COL7A1: variants seen among roughly 807,000 people sequenced by gnomAD.
COL7A1 encodes collagen alpha-1(VII) chain.
A neutral mutation model predicts 456.2 loss-of-function variants in COL7A1; 296 were observed. The observed-to-expected ratio is 0.65, with a 90% confidence interval of 0.59 to 0.71. The LOEUF (loss-of-function observed/expected upper bound fraction) is 0.71, where lower values mean the gene tolerates loss of function less well. Among genes scored for constraint, COL7A1 ranks in the 30% least tolerant of loss-of-function variants. The pLI is 0.00. For missense variants in COL7A1, 3,441 were observed against 4,017.2 expected, an observed-to-expected ratio of 0.86 and a Z score of 3.88; for synonymous variants, 1,464 against 1,525.9, an observed-to-expected ratio of 0.96 and a Z score of 0.95.
rs989483733 is a variant in COL7A1, at chr3:48,587,131, C to G, written c.3140-23G>C. On this transcript the variant is annotated intron_variant, in intron 24 of 118. Coordinates refer to ENST00000681320, the MANE Select transcript of COL7A1 (RefSeq NM_000094.4). This position sits in a 1 kb window ranked among gnomAD's most constrained non-coding sequence, Gnocchi z 6.1. ...ACACTGTAGGAAGGGGAACAAGTTA[C>G]TGAAGCGGGCAGCCCACCCAGACAC... 3 of 1,613,262 alleles carry G rather than the reference C, an allele frequency of 1.9e-6. No individual in the cohort carries two copies. The African/African-American group carries it at 4.0e-5, about 22-fold the overall frequency.
In COL7A1 at chr3:48,568,395, C is replaced by T; in HGVS notation, c.7794+104G>A. The T allele has an allele frequency of 8.1e-7, 1 of 1,236,872 alleles. No individual in the cohort carries two copies. Among genetic ancestry groups the T allele is most frequent in the Non-Finnish European group, 1.2e-6 (1 of 864,356 alleles). 76.6% of individuals were successfully genotyped at this position (1,236,872 alleles called of 1,614,324 possible). A position where few individuals can be genotyped will look rare whatever the true frequency, so the allele number is the denominator to read the frequency against. ...GGGTGACATGAGGACACCATGAGAG[C>T]ACTGGGTCACTATAAGGTCAAAAGC... On this transcript the variant is annotated intron_variant, in intron 105 of 118. Coordinates refer to ENST00000681320, the MANE Select transcript of COL7A1 (RefSeq NM_000094.4). This position sits in a 1 kb window ranked among gnomAD's most constrained non-coding sequence, Gnocchi z 5.2.
chr3:48,573,415 T>C lies in COL7A1; in HGVS notation c.6619-67A>G. ...CCAGGGCTCCTGGAGCTCATCCTCA[T>C]TGCAGGAGATGACAGCCCAGGAGGT... is the stretch of plus-strand genomic sequence containing the variant. On this transcript the variant is annotated intron_variant, in intron 83 of 118. Transcript: ENST00000681320. This position sits in a 1 kb window ranked among gnomAD's most constrained non-coding sequence, Gnocchi z 5.5. The C allele has an allele frequency of 3.7e-6, 6 of 1,613,588 alleles. No homozygotes were observed. The highest frequency in any genetic ancestry group is 1.7e-4 in the Middle Eastern group (1 of 6,060).
chr3:48,569,812 T>C lies in COL7A1; in HGVS notation c.7522-52A>G, dbSNP rs1212926806. On this transcript the variant is annotated intron_variant, in intron 100 of 118. Coordinates refer to ENST00000681320, the MANE Select transcript of COL7A1 (RefSeq NM_000094.4). The surrounding 1 kb of genome is among the most constrained non-coding windows in gnomAD (Gnocchi z 4.9). ...GCCCAAACTGGGGAGGCCCCGCACC[T>C]GAATTCTAATATCATACAAGATCCA... 6.2e-7 allele frequency: 1 copy of C among 1,613,988 alleles called. No individual in the cohort carries two copies. Among genetic ancestry groups the C allele is most frequent in the African/African-American group, 1.3e-5 (1 of 74,908 alleles).
In COL7A1 at chr3:48,564,543, A is replaced by G; in HGVS notation, c.8819-121T>C. 8.0e-7 allele frequency: 1 copy of G among 1,248,944 alleles called. No individual in the cohort carries two copies. The highest frequency in any genetic ancestry group is 1.9e-5 in the Admixed American group (1 of 51,948). The allele number at this position is 1,248,944 out of a possible 1,614,324, so 77.4% of individuals were successfully genotyped here. ...AACAGGAAGTGGGGGCTCTGACCTC[A>G]GAGGGGTCCATACTTAGGTCTTTAA... On this transcript the variant is annotated intron_variant, in intron 118 of 118. Transcript: ENST00000681320. This position sits in a 1 kb window ranked among gnomAD's most constrained non-coding sequence, Gnocchi z 6.0.
In COL7A1 at chr3:48,567,042, G is replaced by C; in HGVS notation, c.8110-19C>G. 4 of 1,613,458 alleles carry C rather than the reference G, an allele frequency of 2.5e-6. No individual in the cohort carries two copies. Among genetic ancestry groups the C allele is most frequent in the Non-Finnish European group, 3.4e-6 (4 of 1,179,576 alleles). ...GGGTTCCCTGGGGAGATATAGGACA[G>C]AGTCAGTAATCAGAGGCCCCAGAGA... On this transcript the variant is annotated intron_variant, in intron 110 of 118. Transcript: ENST00000681320. The surrounding 1 kb of genome is among the most constrained non-coding windows in gnomAD (Gnocchi z 4.3).
At position 48,589,600 on chromosome 3, in the gene COL7A1, G is replaced by A. The variant is rs147643230; in HGVS notation, c.2169C>T (p.His723=). 4.6e-5 allele frequency: 73 copies of A among 1,578,966 alleles called. No homozygotes were observed. The highest frequency in any genetic ancestry group is 8.6e-5 in the African/African-American group (6 of 69,938). Residue 723 remains histidine (H), a splice_region_variant and synonymous_variant, in exon 17 of 119, where the codon CAC becomes CAT. Transcript: ENST00000681320. The part of the protein sequence containing the change: ...TGYRVSWHSA[H]GPEKSQLVSG... ...CCCCTCCCAAACCCCAGTCCCCACC[G>A]TGGGCTGAGTGCCAGGAAACCCTGT...
At position 48,583,553 on chromosome 3, in the gene COL7A1, C is replaced by T. The variant is rs1396505577; in HGVS notation, c.4401+3G>A. On this transcript the variant is annotated splice_donor_region_variant and intron_variant, in intron 41 of 118. Transcript: ENST00000681320. The surrounding 1 kb of genome is among the most constrained non-coding windows in gnomAD (Gnocchi z 5.1). Reference sequence around the variant, plus strand: ...ATTCAGAATCCCTGGCCCCTCCACTCACCTGCTCACCCGGAGACCCAGGTT... The same window carrying T: ...ATTCAGAATCCCTGGCCCCTCCACTTACCTGCTCACCCGGAGACCCAGGTT... 1.2e-6 allele frequency: 2 copies of T among 1,613,960 alleles called. No individual in the cohort carries two copies. The highest frequency in any genetic ancestry group is 1.3e-5 in the African/African-American group (1 of 74,914).
rs753927066 is a variant in COL7A1, at chr3:48,572,951, G to A, written c.6751-9C>T. 21 of 1,613,842 alleles carry A rather than the reference G, an allele frequency of 1.3e-5. 1 individual carries two copies. In the South Asian group the frequency reaches 2.3e-4, roughly 18 times the overall value. On this transcript the variant is annotated splice_polypyrimidine_tract_variant and intron_variant, in intron 86 of 118. Transcript: ENST00000681320. This position sits in a 1 kb window ranked among gnomAD's most constrained non-coding sequence, Gnocchi z 4.6. ...GGCTTCCCTGTCTCCCCCTGAGAGG[G>A]AAGAGCTCTGTCAGGGCTGCCTGTC...
At position 48,565,783 on chromosome 3, in the gene COL7A1, G is replaced by T; in HGVS notation, c.8408-115C>A. ...AGAGATACACAAAGAGATAGCAGGA[G>T]AGGGTAACAGGAGAGAGAGGAAGAG... On this transcript the variant is annotated intron_variant, in intron 114 of 118. Transcript: ENST00000681320. The surrounding 1 kb of genome is among the most constrained non-coding windows in gnomAD (Gnocchi z 4.5). 1 of 992,332 alleles carries T rather than the reference G, an allele frequency of 1.0e-6. No individual in the cohort carries two copies. Among genetic ancestry groups the T allele is most frequent in the Non-Finnish European group, 1.5e-6 (1 of 646,624 alleles). The allele number at this position is 992,332 out of a possible 1,614,324, so 61.5% of individuals were successfully genotyped here. A position where few individuals can be genotyped will look rare whatever the true frequency, so the allele number is the denominator to read the frequency against.
Position 48,567,894 on chromosome 3 carries a change from G to A in COL7A1, c.7876-3C>T, listed in dbSNP as rs2043679445. The A allele has an allele frequency of 6.2e-7, 1 of 1,613,928 alleles. No individual in the cohort carries two copies. Among genetic ancestry groups the A allele is most frequent in the Non-Finnish European group, 8.5e-7 (1 of 1,179,988 alleles). Reference sequence around the variant, plus strand: ...GCTCCCTTCACTCCCCGTTCACCCTGAGGGAGAAAAGCAGATGAAGAAGTG... The same window carrying A: ...GCTCCCTTCACTCCCCGTTCACCCTAAGGGAGAAAAGCAGATGAAGAAGTG... On this transcript the variant is annotated splice_region_variant and splice_polypyrimidine_tract_variant and intron_variant, in intron 106 of 118. Coordinates refer to ENST00000681320, the MANE Select transcript of COL7A1 (RefSeq NM_000094.4). The surrounding 1 kb of genome is among the most constrained non-coding windows in gnomAD (Gnocchi z 4.3).
chr3:48,584,136 T>TG, intron 37 of COL7A1, 75 bp from the exon 38 acceptor site: 1 of 1,611,584 alleles, frequency 6.2e-7, no homozygotes, highest in Middle Eastern at 1.7e-4. Context: ...ATGAGGGTCA[T>TG]GGGGTCCAAT....
rs1278663822 is a variant in COL7A1 at position 48,593,763 on chromosome 3, G to A, written c.267-67C>T. On this transcript the variant is annotated intron_variant, in intron 3 of 118. Transcript: ENST00000681320. The surrounding 1 kb of genome is among the most constrained non-coding windows in gnomAD (Gnocchi z 4.4). ...CTCTTCTGGCCCTGGCCTTGAGGAGGCCTCTAGGGTGAGGGTTACGGGTAT... is the reference window on the plus strand; with the variant it reads ...CTCTTCTGGCCCTGGCCTTGAGGAGACCTCTAGGGTGAGGGTTACGGGTAT... 6.3e-7 allele frequency: 1 copy of A among 1,587,070 alleles called. No individual in the cohort carries two copies. The highest frequency in any genetic ancestry group is 8.7e-7 in the Non-Finnish European group (1 of 1,155,658).
rs1202937418 is a variant in COL7A1, at chr3:48,580,060, G to A, written c.5098-3C>T. 9 of 1,613,884 alleles carry A rather than the reference G, an allele frequency of 5.6e-6. No individual in the cohort carries two copies. Among genetic ancestry groups the A allele is most frequent in the Non-Finnish European group, 6.8e-6 (8 of 1,179,890 alleles). Reference sequence around the variant, plus strand: ...CGTCCCGGGGGTCCTGGGGGACCCTGGGAAAGGAAATGATTATAGTCAATA... The same window carrying A: ...CGTCCCGGGGGTCCTGGGGGACCCTAGGAAAGGAAATGATTATAGTCAATA... On this transcript the variant is annotated splice_region_variant and splice_polypyrimidine_tract_variant and intron_variant, in intron 56 of 118. Coordinates refer to ENST00000681320, the MANE Select transcript of COL7A1 (RefSeq NM_000094.4). The surrounding 1 kb of genome is among the most constrained non-coding windows in gnomAD (Gnocchi z 4.5).
rs1471254676 is a variant in COL7A1, at chr3:48,572,683, C to T, written c.6888G>A (p.Gly2296=). Residue 2296 remains glycine, a synonymous_variant, in exon 88 of 119, where the codon GGG becomes GGA. Transcript: ENST00000681320. The surrounding 1 kb of genome is among the most constrained non-coding windows in gnomAD (Gnocchi z 4.6). ...VGPKGEPGPT[G]APGQAVVGLP... ...GGTCAAAGATCACCTGTCCAGGGGC[C>T]CCCGTGGGGCCAGGTTCTCCTTTAG... 2 of 1,605,254 alleles carry T rather than the reference C, an allele frequency of 1.2e-6. No individual in the cohort carries two copies. The highest frequency in any genetic ancestry group is 2.7e-5 in the African/African-American group (2 of 74,610).
chr3:48,581,109 G>A lies in COL7A1; in HGVS notation c.4935+13C>T. The A allele has an allele frequency of 6.2e-7, 1 of 1,613,908 alleles. No individual in the cohort carries two copies. The highest frequency in any genetic ancestry group is 8.5e-7 in the Non-Finnish European group (1 of 1,179,958). On this transcript the variant is annotated intron_variant, in intron 53 of 118. Coordinates refer to ENST00000681320, the MANE Select transcript of COL7A1 (RefSeq NM_000094.4). This position sits in a 1 kb window ranked among gnomAD's most constrained non-coding sequence, Gnocchi z 5.8. ...GGTAAAGGATCAGAAACCACAGTGG[G>A]AAGGAGTCTCACCGGAGGACCCTCG... is the stretch of plus-strand genomic sequence containing the variant.
rs2045321670 is a variant in COL7A1 at position 48,587,074 on chromosome 3, T to C, written c.3174A>G (p.Leu1058=). Residue 1058 remains leucine, a synonymous_variant, in exon 25 of 119, where the codon CTA becomes CTG. Coordinates refer to ENST00000681320, the MANE Select transcript of COL7A1 (RefSeq NM_000094.4). This position sits in a 1 kb window ranked among gnomAD's most constrained non-coding sequence, Gnocchi z 6.1. ...CPRGLADVVF[L]PHATQDNAHR... is the part of the protein sequence containing the mutation. ...GAGCATTGTCTTGAGTGGCATGTGG[T>C]AGGAACACCACATCCGCCAGGCCAC... 6.2e-7 allele frequency: 1 copy of C among 1,611,146 alleles called. No individual in the cohort carries two copies. Among genetic ancestry groups the C allele is most frequent in the Non-Finnish European group, 8.5e-7 (1 of 1,178,898 alleles).
chr3:48,576,903 G>A lies in COL7A1; in HGVS notation c.5585C>T (p.Ser1862Leu), dbSNP rs1013627013. The A allele has an allele frequency of 6.2e-7, 1 of 1,614,088 alleles. No individual in the cohort carries two copies. Among genetic ancestry groups the A allele is most frequent in the Non-Finnish European group, 8.5e-7 (1 of 1,180,028 alleles). ...ACTCACTTCTCTCCCAGAGGCGCCTGAATCTCCTTTCTCTCCCTAAGGAAG... is the reference window on the plus strand; with the variant it reads ...ACTCACTTCTCTCCCAGAGGCGCCTAAATCTCCTTTCTCTCCCTAAGGAAG... Reference protein sequence around the residue: ...EDGRKGEKGDSGASGREGRDG... With the variant: ...EDGRKGEKGDLGASGREGRDG... Residue 1862 changes from serine (S) to leucine (L), a missense_variant, in exon 67 of 119, where the codon TCA becomes TTA. Physicochemically the swap from Ser to Leu is moderately radical, Grantham distance 145. Coordinates refer to ENST00000681320, the MANE Select transcript of COL7A1 (RefSeq NM_000094.4).
In COL7A1 at chr3:48,567,941, T is replaced by C. The variant is rs200991150; in HGVS notation, c.7876-50A>G. The C allele has an allele frequency of 9.9e-5, 160 of 1,611,450 alleles. No homozygotes were observed. In the African/African-American group the frequency reaches 1.8e-3, roughly 19 times the overall value. On this transcript the variant is annotated intron_variant, in intron 106 of 118. Coordinates refer to ENST00000681320, the MANE Select transcript of COL7A1 (RefSeq NM_000094.4). This position sits in a 1 kb window ranked among gnomAD's most constrained non-coding sequence, Gnocchi z 4.3. ...AGTGATTCCCAGACACCTCACTCTG[T>C]GACCCCCTTCACCCTGAAACTAACT...
At position 48,567,462 on chromosome 3, in the gene COL7A1, A is replaced by G. The variant is rs1349323581; in HGVS notation, c.8046+112T>C. ...CGAGACCAGCCCCACTTCAGCCCCC[A>G]AAGTCCCAACCCTCTACAGCCTTCC... On this transcript the variant is annotated intron_variant, in intron 109 of 118. Coordinates refer to ENST00000681320, the MANE Select transcript of COL7A1 (RefSeq NM_000094.4). The surrounding 1 kb of genome is among the most constrained non-coding windows in gnomAD (Gnocchi z 4.3). The G allele has an allele frequency of 6.8e-7, 1 of 1,472,114 alleles. No homozygotes were observed. Among genetic ancestry groups the G allele is most frequent in the Non-Finnish European group, 9.4e-7 (1 of 1,059,984 alleles). 91.2% of individuals were successfully genotyped at this position (1,472,114 alleles called of 1,614,324 possible).
Sources: gnomAD v4.1 joint callset for allele counts on GRCh38, gnomAD v4.1.1 for gene constraint, Gnocchi (gnomAD v3.1) non-coding constraint, MANE v1.5 for transcripts, NCBI Gene and HGNC (gene_info 2026-07-23, HGNC 2026-07-21) for gene names.